Variants in CALN1 observed in about 807,000 individuals in gnomAD.
CALN1 encodes the protein calcium-binding protein 8.
A neutral mutation model predicts 30.6 loss-of-function variants in CALN1; 17 were observed. The observed-to-expected ratio is 0.56, with a 90% confidence interval of 0.38 to 0.83. The LOEUF (loss-of-function observed/expected upper bound fraction) is 0.83, where lower values mean the gene tolerates loss of function less well. CALN1 is among the 40% of genes least tolerant of loss of function. CALN1 has a pLI of 0.00. For missense variants in CALN1, 291 were observed against 354.9 expected (o/e 0.82, Z 1.45); for synonymous variants, 156 against 131.4 (o/e 1.19, Z -1.28).
rs569209302 is a variant in CALN1 at position 72,353,347 on chromosome 7, T to C, written c.119+49904A>G. 3.9e-4 allele frequency among the ~76,000 whole-genome samples: 59 copies of C among 152,122 alleles called. 2 individuals are homozygous for C. In the South Asian group the frequency reaches 0.01, roughly 27 times the overall value. ...CCTTAACATATATTAGCAAGCCAAATCCAGCAATATATAAAAAGGATAAGA... is the reference window on the plus strand; with the variant it reads ...CCTTAACATATATTAGCAAGCCAAACCCAGCAATATATAAAAAGGATAAGA... On this transcript the variant is annotated intron_variant, in intron 2 of 6. Transcript: ENST00000395275.
At chr7:72,370,470 C>T (rs1383000050) in intron 2 of CALN1, among the ~76,000 whole-genome samples, 4 of 151,628 alleles carry the variant, frequency 2.6e-5, no homozygotes, top group African/African-American at 9.7e-5. Context: ...CTGGCTAACA[C>T]GGTAAAACCC....
At chr7:72,095,721 T>C (rs774000120) in intron 4 of CALN1, among the ~76,000 whole-genome samples, 16 of 152,082 alleles carry the variant, frequency 1.1e-4, no homozygotes, top group Non-Finnish European at 1.5e-4. Flanking sequence ...ATATGAAACA[T>C]CTGGGAATCT....
At chr7:72,179,904 C>T (rs1043679702) in intron 3 of CALN1, among the ~76,000 whole-genome samples, 4 of 152,162 alleles carry the variant, frequency 2.6e-5, no homozygotes, top group African/African-American at 9.7e-5. Context: ...TAACAAAAGA[C>T]ATAATAATTC....
At chr7:72,459,713 A>C in the CALN1 span, among the ~76,000 whole-genome samples, 3 of 152,072 alleles carry the variant, frequency 2.0e-5, no homozygotes, top group South Asian at 6.2e-4. Flanking sequence ...CTTGCTCAAG[A>C]GTTGCTGCAT....
intron 2 of CALN1, among the ~76,000 whole-genome samples, chr7:72,296,094 G>A (rs1410640800): frequency 6.6e-6 from 1 of 152,006 alleles, no homozygotes; most frequent in African/African-American, 2.4e-5. Context: ...TTTTGTCAAA[G>A]GCTTTTTCTG....
Position 72,288,793 on chromosome 7 carries a change from T to G in CALN1, c.120-9983A>C, listed in dbSNP as rs1277135916. 2.0e-5 allele frequency among the ~76,000 whole-genome samples: 3 copies of G among 152,258 alleles called. No homozygotes were observed. The East Asian group carries it at 5.8e-4, about 29-fold the overall frequency. ...ATTTTTGCACTGCTTTGTCCTTCTA[T>G]GTTATTGTCCAGTGTCCAATTTCAA... On this transcript the variant is annotated intron_variant, in intron 2 of 6. Transcript: ENST00000395275.
chr7:72,001,261 T>C (rs1335263900), intron 5 of CALN1, among the ~76,000 whole-genome samples: 2 of 151,852 alleles, frequency 1.3e-5, no homozygotes, highest in Non-Finnish European at 2.9e-5. Context: ...AAAGGCAGTC[T>C]CTAAACAGGT....
chr7:72,153,674 C>A (rs1285802662), intron 3 of CALN1, among the ~76,000 whole-genome samples: 1 of 151,956 alleles, frequency 6.6e-6, no homozygotes, highest in Non-Finnish European at 1.5e-5. Flanking sequence ...GAGTGAGAAC[C>A]TGTCTCTAAA....
intron 3 of CALN1, among the ~76,000 whole-genome samples, chr7:72,258,146 G>A (rs1301834035): frequency 6.6e-6 from 1 of 152,068 alleles, no homozygotes; most frequent in Admixed American, 6.6e-5. Flanking sequence ...TTGCCTAAGA[G>A]CACAGAGATA....
intron 4 of CALN1, among the ~76,000 whole-genome samples, chr7:72,037,667 C>CT (rs1237578299): frequency 2.0e-5 from 3 of 152,132 alleles, no homozygotes; most frequent in African/African-American, 7.2e-5. Context: ...TTCTTGGAAA[C>CT]TGTGTGCAAG....
intron 2 of CALN1, among the ~76,000 whole-genome samples, chr7:72,369,639 G>C (rs1170244926): frequency 6.6e-6 from 1 of 152,088 alleles, no homozygotes. Flanking sequence ...GGGATTACAA[G>C]CGTAATCTCT....
intron 5 of CALN1, among the ~76,000 whole-genome samples, chr7:71,956,665 A>G (rs1050080088): frequency 6.6e-6 from 1 of 151,690 alleles, no homozygotes; most frequent in Non-Finnish European, 1.5e-5. Flanking sequence ...GCAGGCACAC[A>G]GCAAGCCAGG....
chr7:71,953,744 T>A (rs1171044382), intron 5 of CALN1, among the ~76,000 whole-genome samples: 1 of 152,006 alleles, frequency 6.6e-6, no homozygotes, highest in Non-Finnish European at 1.5e-5. Context: ...CCAGCAGGAC[T>A]TTGCAGAGAC....
chr7:72,184,572 T>C (rs1260517364), intron 3 of CALN1, among the ~76,000 whole-genome samples: 1 of 152,208 alleles, frequency 6.6e-6, no homozygotes, highest in African/African-American at 2.4e-5. Context: ...TCATGTTACC[T>C]TGCATCCTCT....
chr7:72,396,235 TAAAAAAA>T (rs55683543), intron 2 of CALN1, among the ~76,000 whole-genome samples: 10 of 53,344 alleles, frequency 1.9e-4, no homozygotes, highest in Admixed American at 2.4e-4. Context: ...TTGTCTCTAC[TAAAAAAA>T]AAAAAAAAAA....
chr7:72,219,233 A>G (rs993316418), intron 3 of CALN1, among the ~76,000 whole-genome samples: 4 of 151,746 alleles, frequency 2.6e-5, no homozygotes, highest in Admixed American at 1.3e-4. Flanking sequence ...TTTTTTCTTC[A>G]TTTTCTTAAG....
chr7:71,952,873 T>G (rs1304411772), intron 5 of CALN1, among the ~76,000 whole-genome samples: 1 of 152,196 alleles, frequency 6.6e-6, no homozygotes, highest in East Asian at 1.9e-4. Flanking sequence ...CCAGAAAGTC[T>G]TCTTCGATTC....
intron 3 of CALN1, among the ~76,000 whole-genome samples, chr7:72,144,164 A>G (rs1810171278): frequency 6.6e-6 from 1 of 152,334 alleles, no homozygotes; most frequent in East Asian, 1.9e-4. Context: ...TGCTCCAATT[A>G]AAAGACACAG....
At chr7:72,047,046 C>T (rs1802518105) in intron 4 of CALN1, among the ~76,000 whole-genome samples, 2 of 152,028 alleles carry the variant, frequency 1.3e-5, no homozygotes, top group Non-Finnish European at 2.9e-5. Context: ...GCCTGGACAA[C>T]AGAGTGAAAC....
Sources: allele counts gnomAD v4.1 joint callset (sites outside exome capture counted in the v4.1 genomes callset), GRCh38; gene constraint gnomAD v4.1.1; transcripts MANE v1.5; gene names NCBI Gene and HGNC (gene_info 2026-07-23, HGNC 2026-07-21).